TRPV5: variants seen among roughly 807,000 people sequenced by gnomAD.
The protein encoded by TRPV5 is transient receptor potential cation channel subfamily V member 5.
Under a neutral mutation model 74.1 loss-of-function variants are expected in TRPV5, and 66 were observed. That is an observed-to-expected ratio of 0.89 (90% CI 0.73 to 1.09). TRPV5 has a LOEUF of 1.09. Among genes scored for constraint, TRPV5 ranks in the 50% least tolerant of loss-of-function variants. The probability of loss-of-function intolerance (pLI) is 0.00; values close to 1 mark genes in which losing one functional copy is unlikely to be tolerated. For missense variants in TRPV5, 936 were observed against 930.4 expected, an observed-to-expected ratio of 1.01 and a Z score of -0.08; for synonymous variants, 399 against 360.7, an observed-to-expected ratio of 1.11 and a Z score of -1.20.
chr7:142,915,501 A>C lies in TRPV5; in HGVS notation c.1190T>G (p.Val397Gly). Residue 397 changes from valine (V) to glycine (G), a missense_variant, in exon 9 of 15, where the codon GTG becomes GGG. Physicochemically the swap from Val to Gly is moderately radical, Grantham distance 109. Coordinates refer to ENST00000265310, the MANE Select transcript of TRPV5 (RefSeq NM_019841.7). ...CCTCACCTCTAGGAGCAGGATGATC[A>C]CAGCCCCAACGATGCTCACCAGCTC... Reference protein sequence around the residue: ...VGELVSIVGAVIILLLEIPDI... With the variant: ...VGELVSIVGAGIILLLEIPDI... The C allele has an allele frequency of 6.2e-7, 1 of 1,614,164 alleles. No individual in the cohort carries two copies. The highest frequency in any genetic ancestry group is 8.5e-7 in the Non-Finnish European group (1 of 1,180,020).
intron 8 of TRPV5, among the ~76,000 whole-genome samples, chr7:142,919,554 A>G (rs1307831930): frequency 6.6e-6 from 1 of 152,226 alleles, no homozygotes; most frequent in African/African-American, 2.4e-5. Context: ...CAACGCACAG[A>G]GAAGGTACTC....
intron 14 of TRPV5, 120 bp from the exon 15 acceptor site, chr7:142,908,928 G>C (rs559252924): frequency 8.1e-6 from 8 of 986,386 alleles, no homozygotes; most frequent in African/African-American, 8.1e-5. Context: ...CAGCAGAGTT[G>C]AAACAGGAAG....
At chr7:142,927,994 G>A in intron 7 of TRPV5, 94 bp downstream of exon 7, 1 of 1,494,168 alleles carries the variant, frequency 6.7e-7, no homozygotes, top group South Asian at 1.2e-5. Context: ...AGGCTGGGAA[G>A]TGTCTCAGGC....
chr7:142,932,587 G>A (rs1014201370), intron 1 of TRPV5, among the ~76,000 whole-genome samples: 3 of 152,162 alleles, frequency 2.0e-5, no homozygotes, highest in Non-Finnish European at 4.4e-5. Flanking sequence ...GCTGTTGGGT[G>A]GGAGGCAAGC....
chr7:142,912,699 T>C lies in TRPV5; in HGVS notation c.1571A>G (p.Tyr524Cys), dbSNP rs771194101. The C allele has an allele frequency of 8.1e-6, 13 of 1,614,100 alleles. No homozygotes were observed. The highest frequency in any genetic ancestry group is 4.0e-5 in the African/African-American group (3 of 74,930). The stretch of plus-strand genomic sequence containing the variant: ...GGTGAACAGTGCCATGGGGTAGTCA[T>C]AGAATTGCCCCAGACTGGTTGGGTC... Reference protein sequence around the residue: ...TEDPTSLGQFYDYPMALFTTF... With the variant: ...TEDPTSLGQFCDYPMALFTTF... The change falls in exon 13 of 15, where the codon TAT becomes TGT. Residue 524 changes from tyrosine to cysteine, a missense_variant. By Grantham distance (194) the Tyr-to-Cys change is radical (BLOSUM62 -2). Coordinates refer to ENST00000265310, the MANE Select transcript of TRPV5 (RefSeq NM_019841.7).
chr7:142,928,781 T>C lies in TRPV5; in HGVS notation c.672A>G (p.Gly224=), dbSNP rs746600331. The change falls in exon 6 of 15, where the codon GGA becomes GGG. Residue 224 remains glycine, a synonymous_variant. Transcript: ENST00000265310. ...CCAGGGGCTGCAGGTGGTCCCCATG[T>C]CCATCATAGGACAGCAGCAGGTTGT... is the stretch of plus-strand genomic sequence containing the variant. ...QMYNLLLSYD[G]HGDHLQPLDL... is the part of the protein sequence containing the mutation. 1 of 1,614,032 alleles carries C rather than the reference T, an allele frequency of 6.2e-7. No individual in the cohort carries two copies. Among genetic ancestry groups the C allele is most frequent in the African/African-American group, 1.3e-5 (1 of 74,924 alleles).
chr7:142,916,705 C>T (rs991634634), intron 8 of TRPV5, among the ~76,000 whole-genome samples: 6 of 152,116 alleles, frequency 3.9e-5, no homozygotes, highest in Admixed American at 6.5e-5. Flanking sequence ...GGCAATTATC[C>T]CTGCTCTGCT....
intron 8 of TRPV5, among the ~76,000 whole-genome samples, chr7:142,924,464 T>C (rs1795952133): frequency 2.7e-5 from 4 of 150,280 alleles, no homozygotes. Context: ...AGCATAGGGT[T>C]CATTTGGGCT....
intron 4 of TRPV5, 61 bp from the exon 5 acceptor site, chr7:142,929,181 C>G: frequency 6.3e-7 from 1 of 1,583,852 alleles, no homozygotes; most frequent in Non-Finnish European, 8.6e-7. Context: ...GGTGGGCAGT[C>G]TCCCCCAAAT....
At chr7:142,927,967 C>G in intron 7 of TRPV5, 121 bp downstream of exon 7, 1 of 1,225,412 alleles carries the variant, frequency 8.2e-7, no homozygotes, top group South Asian at 1.4e-5. Flanking sequence ...AGACTATTCT[C>G]ATCTCCACCT....
chr7:142,909,447 C>G (rs1182486286), intron 14 of TRPV5, 43 bp downstream of exon 14: 1 of 1,606,132 alleles, frequency 6.2e-7, no homozygotes, highest in East Asian at 2.2e-5. Flanking sequence ...CTTCCGTGGC[C>G]TTATACACAT....
At chr7:142,916,788 G>A (rs1392062898) in intron 8 of TRPV5, among the ~76,000 whole-genome samples, 2 of 152,116 alleles carry the variant, frequency 1.3e-5, no homozygotes, top group Non-Finnish European at 1.5e-5. Context: ...GTGAGAGGCA[G>A]TGCTTTTAAC....
chr7:142,921,651 C>A (rs146432892), intron 8 of TRPV5, among the ~76,000 whole-genome samples: 134 of 152,212 alleles, frequency 8.8e-4, no homozygotes, highest in Non-Finnish European at 2.2e-4. Flanking sequence ...TACCACCCCC[C>A]ACATCTGTTA....
intron 8 of TRPV5, among the ~76,000 whole-genome samples, chr7:142,924,347 TATATAG>T (rs1324222958): frequency 0.027 from 263 of 9,792 alleles, 20 homozygotes; most frequent in East Asian, 0.061. Context: ...CATATATATA[TATATAG>T]ACATATACAT....
chr7:142,925,648 A>C lies in TRPV5; in HGVS notation c.1003T>G (p.Leu335Val). The C allele has an allele frequency of 6.2e-7, 1 of 1,614,198 alleles. No homozygotes were observed. Among genetic ancestry groups the C allele is most frequent in the Non-Finnish European group, 8.5e-7 (1 of 1,180,036 alleles). Residue 335 changes from leucine (L) to valine (V), a missense_variant, in exon 8 of 15, where the codon TTG becomes GTG. Leu to Val is a conservative substitution (Grantham distance 32, BLOSUM62 1). Coordinates refer to ENST00000265310, the MANE Select transcript of TRPV5 (RefSeq NM_019841.7). ...GRPYFCILAA[L>V]YLLYMICFTT... ...AAGCAGATCATGTAGAGCAGGTACA[A>C]GGCAGCCAGGATGCAGAAGTACGGC...
At chr7:142,931,214 G>A (rs1454092801) in intron 1 of TRPV5, among the ~76,000 whole-genome samples, 1 of 151,734 alleles carries the variant, frequency 6.6e-6, no homozygotes, top group Non-Finnish European at 1.5e-5. Context: ...AGTAGAGATG[G>A]GGTTTTGCCA....
chr7:142,914,577 T>C, intron 12 of TRPV5, 63 bp downstream of exon 12: 2 of 1,359,268 alleles, frequency 1.5e-6, no homozygotes, highest in Non-Finnish European at 2.1e-6. Flanking sequence ...AGAGCAAGAA[T>C]GAGAGTGAAC....
intron 8 of TRPV5, among the ~76,000 whole-genome samples, chr7:142,924,110 T>G (rs1488732759): frequency 6.6e-6 from 1 of 151,722 alleles, no homozygotes; most frequent in Non-Finnish European, 1.5e-5. Flanking sequence ...CAGACTGAGA[T>G]GCATGCAGCA....
rs1368268041 is a variant in TRPV5, at chr7:142,915,053, G to T, written c.1287-7C>A. 6.2e-7 allele frequency: 1 copy of T among 1,613,172 alleles called. No individual in the cohort carries two copies. The highest frequency in any genetic ancestry group is 8.5e-7 in the Non-Finnish European group (1 of 1,179,522). ...CAGGGAGGCATAGGTGATGCTGGGG[G>T]AGCAGAAAGCAGAGAGTGAGAGACA... On this transcript the variant is annotated splice_polypyrimidine_tract_variant and splice_region_variant and intron_variant, in intron 10 of 14. Transcript: ENST00000265310.
Sources: allele counts gnomAD v4.1 joint callset (sites outside exome capture counted in the v4.1 genomes callset), GRCh38; gene constraint gnomAD v4.1.1; transcripts MANE v1.5; gene names NCBI Gene and HGNC (gene_info 2026-07-23, HGNC 2026-07-21).